The following BLK variants were observed in gnomAD, a reference collection of about 807,000 sequenced individuals.
BLK encodes the protein BLK proto-oncogene, Src family tyrosine kinase, also known as tyrosine-protein kinase Blk.
BLK carries 64 observed loss-of-function variants against 61.8 expected under a neutral mutation model. The observed-to-expected ratio is 1.03, with a 90% CI of 0.85 to 1.27. The LOEUF (loss-of-function observed/expected upper bound fraction) is 1.27. Ranked by LOEUF, BLK falls within the 50% of genes most tolerant of loss-of-function variation. The pLI is 0.00. For missense variants in BLK, 853 were observed against 660.5 expected (o/e 1.29, Z -3.19); for synonymous variants, 351 against 272.0 (o/e 1.29, Z -2.86).
intron 7 of BLK, 28 bp from the exon 8 acceptor site, chr8:11,555,304 C>A (rs748214310): frequency 3.7e-6 from 6 of 1,613,522 alleles, no homozygotes; most frequent in Non-Finnish European, 5.1e-6. Context: ...TGGTAACCCC[C>A]AGCCCTGTCT....
chr8:11,529,461 T>C (rs112307911), intron 1 of BLK, among the ~76,000 whole-genome samples: 2,585 of 152,132 alleles, frequency 0.017, 43 homozygotes, highest in African/African-American at 0.045. Flanking sequence ...TCAGATGAGC[T>C]GGTTTCTTGA....
At chr8:11,560,352 TGG>T in intron 10 of BLK, 1 of 218,158 alleles carries the variant, frequency 4.6e-6, no homozygotes, top group African/African-American at 2.4e-5. Context: ...GATGGATGCA[TGG>T]ATGTGTTGAT....
At chr8:11,501,420 C>A (rs911103775) in intron 1 of BLK, among the ~76,000 whole-genome samples, 1 of 150,106 alleles carries the variant, frequency 6.7e-6, no homozygotes, top group African/African-American at 2.5e-5. Flanking sequence ...GTCTGTCTGT[C>A]TGTCTATCTG....
chr8:11,527,067 T>C (rs1799686251), intron 1 of BLK, among the ~76,000 whole-genome samples: 1 of 152,212 alleles, frequency 6.6e-6, no homozygotes, highest in Non-Finnish European at 1.5e-5. Context: ...CGTCCTAGTG[T>C]CGCTTATTCT....
intron 1 of BLK, among the ~76,000 whole-genome samples, chr8:11,523,302 C>G (rs1799525966): frequency 6.6e-6 from 1 of 152,080 alleles, no homozygotes; most frequent in Admixed American, 6.6e-5. Context: ...ACCTGTAATC[C>G]CAGCACTTTG....
intron 1 of BLK, among the ~76,000 whole-genome samples, chr8:11,524,963 A>G (rs1376520417): frequency 6.6e-6 from 1 of 151,122 alleles, no homozygotes; most frequent in Non-Finnish European, 1.5e-5. Context: ...ACGAATGTTC[A>G]GAGTGGCTGT....
Position 11,561,008 on chromosome 8 carries a change from C to A in BLK, c.1030-294C>A, listed in dbSNP as rs541266366. 10 of 595,956 alleles carry A rather than the reference C, an allele frequency of 1.7e-5. No individual in the cohort carries two copies. The African/African-American group carries it at 1.8e-4, about 11-fold the overall frequency. The allele number at this position is 595,956 out of a possible 1,614,324, so 36.9% of individuals were successfully genotyped here. A position where few individuals can be genotyped will look rare whatever the true frequency, so the allele number is the denominator to read the frequency against. On this transcript the variant is annotated intron_variant, in intron 10 of 12. Coordinates refer to ENST00000259089, the MANE Select transcript of BLK (RefSeq NM_001715.3). The stretch of plus-strand genomic sequence containing the variant: ...CCTCTCCTTTTCTCCTGCCTGTGTT[C>A]TTCTATCTTCCATCTCTGCAGACCC...
At chr8:11,546,760 G>A (rs1484843132) in intron 3 of BLK, among the ~76,000 whole-genome samples, 1 of 152,200 alleles carries the variant, frequency 6.6e-6, no homozygotes, top group African/African-American at 2.4e-5. Flanking sequence ...GTTTTTACTA[G>A]TGAGGGGGTT....
chr8:11,552,327 G>T (rs2117513405), intron 6 of BLK, among the ~76,000 whole-genome samples: 1 of 152,340 alleles, frequency 6.6e-6, no homozygotes. Flanking sequence ...AAGCTGGGGT[G>T]CTCTGTGCAG....
At chr8:11,520,304 C>T (rs947960226) in intron 1 of BLK, among the ~76,000 whole-genome samples, 3 of 150,700 alleles carry the variant, frequency 2.0e-5, no homozygotes, top group African/African-American at 7.3e-5. Context: ...TGGTGAAAAC[C>T]TCCCTCTATA....
intron 2 of BLK, chr8:11,545,682 G>T (rs1800601201): frequency 3.1e-6 from 1 of 324,104 alleles, no homozygotes; most frequent in Non-Finnish European, 6.0e-6. Flanking sequence ...CGAGTTTTGG[G>T]GAAATATGCT....
At chr8:11,559,433 TCACA>T (rs973028909) in intron 10 of BLK, among the ~76,000 whole-genome samples, 19 of 145,906 alleles carry the variant, frequency 1.3e-4, no homozygotes, top group African/African-American at 3.3e-4. Flanking sequence ...ACACACAAAC[TCACA>T]CAGACACACA....
intron 8 of BLK, chr8:11,556,451 A>G (rs576390381): frequency 3.2e-6 from 2 of 634,016 alleles, no homozygotes; most frequent in East Asian, 5.8e-5. Context: ...CAGGCAGGGT[A>G]CATTCCTCCA....
intron 1 of BLK, among the ~76,000 whole-genome samples, chr8:11,515,134 G>A (rs910350264): frequency 3.3e-5 from 5 of 152,326 alleles, no homozygotes; most frequent in African/African-American, 1.2e-4. Flanking sequence ...GCCCTGTTTT[G>A]CTGGTTGGTG....
intron 1 of BLK, among the ~76,000 whole-genome samples, chr8:11,523,254 A>C (rs1216110246): frequency 6.6e-6 from 1 of 152,226 alleles, no homozygotes; most frequent in African/African-American, 2.4e-5. Flanking sequence ...TGTAATACAT[A>C]ATACAAACAC....
intron 3 of BLK, among the ~76,000 whole-genome samples, chr8:11,547,029 A>C (rs927803150): frequency 6.6e-6 from 1 of 152,204 alleles, no homozygotes; most frequent in African/African-American, 2.4e-5. Context: ...ATCCATGTCC[A>C]CACAGCATGG....
intron 1 of BLK, among the ~76,000 whole-genome samples, chr8:11,537,892 A>G (rs1254614754): frequency 3.3e-5 from 5 of 152,108 alleles, no homozygotes; most frequent in South Asian, 4.2e-4. Flanking sequence ...GCATCTCCCA[A>G]AGCAAACATT....
chr8:11,533,605 A>AAGAGGAGG (rs1799987470), intron 1 of BLK, among the ~76,000 whole-genome samples: 1 of 113,116 alleles, frequency 8.8e-6, no homozygotes, highest in African/African-American at 3.2e-5. Flanking sequence ...GGAGGAGGAG[A>AAGAGGAGG]AGGAGGAGGA....
chr8:11,553,400 C>T (rs951060547), intron 6 of BLK: 2 of 452,634 alleles, frequency 4.4e-6, no homozygotes, highest in South Asian at 1.6e-5. Context: ...TTTTGTGAAA[C>T]TGAAGCTGAT....
Sources: gnomAD v4.1 joint callset for allele counts (sites outside exome capture counted in the v4.1 genomes callset) on GRCh38, gnomAD v4.1.1 for gene constraint, MANE v1.5 for transcripts, NCBI Gene and HGNC (gene_info 2026-07-23, HGNC 2026-07-21) for gene names.